Variants in RYK observed in about 807,000 individuals in gnomAD.
RYK encodes inactive tyrosine-protein kinase RYK.
Under a neutral mutation model 70.2 loss-of-function variants are expected in RYK, and 21 were observed. The observed-to-expected ratio is 0.30, with a 90% CI of 0.21 to 0.43. RYK has a LOEUF of 0.43. Ranked by LOEUF, RYK falls within the 20% of genes least tolerant of loss-of-function variation. The pLI is 1.00. For synonymous variants in RYK, 267 were observed against 278.0 expected, an observed-to-expected ratio of 0.96 and a Z score of 0.39; for missense variants, 604 against 753.3, an observed-to-expected ratio of 0.80 and a Z score of 2.32.
intron 11 of RYK, among the ~76,000 whole-genome samples, chr3:134,177,023 G>C (rs1308786953): frequency 6.6e-6 from 1 of 151,822 alleles, no homozygotes; most frequent in Non-Finnish European, 1.5e-5. Flanking sequence ...TCTAGCCTGG[G>C]CGACAGAGCG....
At chr3:134,189,740 C>CAAAAAAAA (rs57016937) in intron 8 of RYK, among the ~76,000 whole-genome samples, 8 of 92,632 alleles carry the variant, frequency 8.6e-5, no homozygotes, top group African/African-American at 1.7e-4. Context: ...GAGACTCCGC[C>CAAAAAAAA]AAAAAAAAAA....
At chr3:134,204,996 A>G (rs1241102178) in intron 5 of RYK, among the ~76,000 whole-genome samples, 1 of 152,232 alleles carries the variant, frequency 6.6e-6, no homozygotes, top group Non-Finnish European at 1.5e-5. Context: ...AGTGAAGATG[A>G]GAAGTAAGTG....
chr3:134,174,802 T>G (rs1042265948), intron 13 of RYK, among the ~76,000 whole-genome samples: 2 of 152,064 alleles, frequency 1.3e-5, no homozygotes, highest in Non-Finnish European at 2.9e-5. Context: ...TCTGGCTAAG[T>G]GGCAAAACCA....
At chr3:134,216,893 A>G (rs193109736) in intron 2 of RYK, among the ~76,000 whole-genome samples, 49 of 152,172 alleles carry the variant, frequency 3.2e-4, no homozygotes, top group Middle Eastern at 6.9e-3. Context: ...ATACAGAAGA[A>G]ACTATCTGTT....
intron 5 of RYK, among the ~76,000 whole-genome samples, chr3:134,204,282 T>A (rs1040447119): frequency 6.6e-6 from 1 of 151,096 alleles, no homozygotes; most frequent in Non-Finnish European, 1.5e-5. Context: ...TCCCTTGAGG[T>A]CAGGAGTTTG....
chr3:134,222,115 T>C (rs1429770191), intron 2 of RYK, among the ~76,000 whole-genome samples: 2 of 152,214 alleles, frequency 1.3e-5, no homozygotes, highest in African/African-American at 4.8e-5. Context: ...ACAGGCATTA[T>C]TGGGTCCAAC....
intron 1 of RYK, among the ~76,000 whole-genome samples, chr3:134,226,544 G>A (rs971320867): frequency 6.6e-6 from 1 of 151,942 alleles, no homozygotes; most frequent in Non-Finnish European, 1.5e-5. Flanking sequence ...AACATAATGA[G>A]AAAAGAAAAT....
At chr3:134,193,623 T>C (rs2013719759) in intron 7 of RYK, among the ~76,000 whole-genome samples, 1 of 152,262 alleles carries the variant, frequency 6.6e-6, no homozygotes, top group African/African-American at 2.4e-5. Context: ...GTGCCTCTTC[T>C]GAGTAGCTTA....
chr3:134,183,398 C>A, intron 9 of RYK: 3 of 158,788 alleles, frequency 1.9e-5, no homozygotes, highest in East Asian at 1.8e-4. Context: ...TCATATAAAT[C>A]AATAAGAAAA....
Position 134,224,095 on chromosome 3 carries a change from C to T in RYK, c.233-1556G>A, listed in dbSNP as rs558801812. On this transcript the variant is annotated intron_variant, in intron 1 of 14. Coordinates refer to ENST00000623711, the MANE Select transcript of RYK (RefSeq NM_002958.4). ...CTCCTTGTGTGCGGAGCCCAGAGAT[C>T]GTAGAAATAAAGACAAAAGACAAAG... Among the ~76,000 whole-genome samples, 21 of 152,210 alleles carry T rather than the reference C, an allele frequency of 1.4e-4. 1 individual carries two copies. In the East Asian group the frequency reaches 3.1e-3, roughly 22 times the overall value.
chr3:134,238,924 C>T (rs953066654), intron 1 of RYK, among the ~76,000 whole-genome samples: 62 of 152,098 alleles, frequency 4.1e-4, no homozygotes, highest in African/African-American at 1.3e-3. Context: ...AGGCTTTTGC[C>T]GGAATCTCTC....
intron 8 of RYK, 139 bp downstream of exon 8, chr3:134,191,710 A>G (rs1162857991): frequency 4.7e-6 from 3 of 641,834 alleles, no homozygotes; most frequent in Admixed American, 7.6e-5. Context: ...AATAATTTTT[A>G]TAAAAGAAAA....
Position 134,183,017 on chromosome 3 carries a change from C to A in RYK, c.1157G>T (p.Arg386Leu). Residue 386 changes from arginine (R) to leucine (L), a missense_variant, in exon 10 of 15, where the codon CGA (arginine) becomes CTA (leucine). This residue lies in a region of RYK where 466 missense variants were observed against 535.9 expected (regional missense o/e 0.87). Transcript: ENST00000623711. ...CTCCTCTCACCTGTGATGAAGACCT[C>A]GCAGCTTACAACTTTCAGTGAGCAT... The part of the protein sequence containing the change: ...TMMLTESCKL[R>L]GLHHRNLLPI... 6.3e-7 allele frequency: 1 copy of A among 1,587,170 alleles called. No individual in the cohort carries two copies.
At chr3:134,240,899 A>G (rs1367027178) in intron 1 of RYK, among the ~76,000 whole-genome samples, 2 of 152,188 alleles carry the variant, frequency 1.3e-5, no homozygotes, top group African/African-American at 2.4e-5. Context: ...TCTAATGACA[A>G]TATCTCATTC....
chr3:134,216,792 C>CAAAAAAAAAAAAAAAA (rs61441674), intron 2 of RYK, among the ~76,000 whole-genome samples: 1 of 37,426 alleles, frequency 2.7e-5, no homozygotes, highest in Non-Finnish European at 4.6e-5. Context: ...GACTCTGTCT[C>CAAAAAAAAAAAAAAAA]AAAAAAAAAA....
chr3:134,244,484 C>A (rs1415453496), intron 1 of RYK, among the ~76,000 whole-genome samples: 2 of 152,146 alleles, frequency 1.3e-5, no homozygotes, highest in Admixed American at 6.5e-5. Context: ...GAGTCAAGAC[C>A]TGGCCTTCTA....
At chr3:134,190,529 TCTTTTTA>T (rs1220038616) in intron 8 of RYK, among the ~76,000 whole-genome samples, 2 of 147,330 alleles carry the variant, frequency 1.4e-5, no homozygotes, top group Admixed American at 1.4e-4. Context: ...CTAGAAATTA[TCTTTTTA>T]CTTTTTCACA....
chr3:134,218,103 T>A (rs1365800301), intron 2 of RYK, among the ~76,000 whole-genome samples: 1 of 152,222 alleles, frequency 6.6e-6, no homozygotes, highest in East Asian at 1.9e-4. Context: ...TTTTCCAAAC[T>A]TATAACCTCA....
chr3:134,240,531 T>C (rs1029479956), intron 1 of RYK, among the ~76,000 whole-genome samples: 17 of 152,334 alleles, frequency 1.1e-4, no homozygotes, highest in Middle Eastern at 3.4e-3. Context: ...GTAGTGGATA[T>C]AGGACACTAT....
Sources: gnomAD v4.1 joint callset for allele counts (sites outside exome capture counted in the v4.1 genomes callset) on GRCh38, gnomAD v4.1.1 for gene constraint, gnomAD v4.1.1 regional missense constraint, MANE v1.5 for transcripts, NCBI Gene and HGNC (gene_info 2026-07-23, HGNC 2026-07-21) for gene names.